Variants in PHLDB2 observed in about 807,000 individuals in gnomAD.
PHLDB2 encodes the protein pleckstrin homology-like domain family B member 2.
A neutral mutation model predicts 123.6 loss-of-function variants in PHLDB2; 71 were observed. The observed-to-expected ratio is 0.57, with a 90% CI of 0.47 to 0.70. The LOEUF (loss-of-function observed/expected upper bound fraction) is 0.70. Among genes scored for constraint, PHLDB2 ranks in the 30% least tolerant of loss-of-function variants. The probability of loss-of-function intolerance (pLI) is 0.00; values close to 1 mark genes in which losing one functional copy is unlikely to be tolerated. For synonymous variants in PHLDB2, 547 were observed against 541.6 expected, an observed-to-expected ratio of 1.01 and a Z score of -0.14; for missense variants, 1,446 against 1,519.5, an observed-to-expected ratio of 0.95 and a Z score of 0.80.
chr3:111,732,785 C>T, intron 1 of PHLDB2: 1 of 1,223,502 alleles, frequency 8.2e-7, no homozygotes, highest in Non-Finnish European at 1.1e-6. Context: ...CAGAGTGTTT[C>T]TGAGGAGGGT....
chr3:111,857,358 G>C (rs900862705), upstream of PHLDB2, among the ~76,000 whole-genome samples: 3 of 151,712 alleles, frequency 2.0e-5, no homozygotes, highest in African/African-American at 7.3e-5. Flanking sequence ...GGCTGAAGTG[G>C]GAGGATCACT....
chr3:111,761,626 G>A (rs78165073), intron 1 of PHLDB2, among the ~76,000 whole-genome samples: 1,599 of 152,266 alleles, frequency 0.011, 27 homozygotes, highest in African/African-American at 0.036. Context: ...TCAAACTTCA[G>A]CTGCATTCAG....
rs549238952 is a variant in PHLDB2, at chr3:111,793,589, C to T, written c.-48-52232C>T. Among the ~76,000 whole-genome samples, 5 of 152,070 alleles carry T rather than the reference C, an allele frequency of 3.3e-5. No homozygotes were observed. In the South Asian group the frequency reaches 1.0e-3, roughly 32 times the overall value. ...TTTTTCCAAGCAGAAAGAGTCCCTC[C>T]CCATAGCCGCCACAGCTGGGAATGT... On this transcript the variant is annotated intron_variant, in intron 1 of 17. Transcript: ENST00000393923.
At chr3:111,771,497 G>A (rs942871566) in intron 1 of PHLDB2, among the ~76,000 whole-genome samples, 4 of 152,038 alleles carry the variant, frequency 2.6e-5, no homozygotes, top group Middle Eastern at 3.4e-3. Flanking sequence ...GTGCCACCAC[G>A]CCCAGCTAAT....
chr3:111,927,169 G>T (rs190760274), intron 5 of PHLDB2, among the ~76,000 whole-genome samples: 2 of 152,092 alleles, frequency 1.3e-5, no homozygotes, highest in African/African-American at 4.8e-5. Flanking sequence ...AAAGCCACAG[G>T]GTTTAGGAAC....
intron 1 of PHLDB2, among the ~76,000 whole-genome samples, chr3:111,792,354 A>T (rs993399711): frequency 2.6e-5 from 4 of 152,354 alleles, no homozygotes; most frequent in Admixed American, 2.6e-4. Context: ...ATTAGCTCAG[A>T]TAGGAGGGAG....
At chr3:111,778,279 CA>C (rs2060303401) in intron 1 of PHLDB2, 1 of 151,936 alleles carries the variant, frequency 6.6e-6, no homozygotes, top group Admixed American at 6.6e-5. Flanking sequence ...GAAATGTGGA[CA>C]CAAGCACATG....
intron 1 of PHLDB2, among the ~76,000 whole-genome samples, chr3:111,734,273 T>G (rs1941607651): frequency 6.6e-6 from 1 of 152,192 alleles, no homozygotes; most frequent in Non-Finnish European, 1.5e-5. Flanking sequence ...GAAAAGGATC[T>G]TGGGGTGATC....
intron 1 of PHLDB2, among the ~76,000 whole-genome samples, chr3:111,834,770 T>C (rs916527120): frequency 6.6e-6 from 1 of 152,054 alleles, no homozygotes; most frequent in South Asian, 2.1e-4. Context: ...ACCCAGCCAA[T>C]CAAAGACTAT....
At chr3:111,792,551 T>G (rs148260230) in intron 1 of PHLDB2, among the ~76,000 whole-genome samples, 1 of 151,972 alleles carries the variant, frequency 6.6e-6, no homozygotes, top group East Asian at 1.9e-4. Flanking sequence ...TACAAAAAAT[T>G]TTAAAATTCG....
At position 111,913,441 on chromosome 3, in the gene PHLDB2, G is replaced by A. The variant is rs373373892; in HGVS notation, c.1458G>A (p.Leu486=). 70 of 1,614,056 alleles carry A rather than the reference G, an allele frequency of 4.3e-5. No homozygotes were observed. Among genetic ancestry groups the A allele is most frequent in the Non-Finnish European group, 5.5e-5 (65 of 1,180,034 alleles). The change falls in exon 3 of 18, where the codon CTG becomes CTA. Residue 486 remains leucine, a synonymous_variant. Coordinates refer to ENST00000431670, the MANE Select transcript of PHLDB2 (RefSeq NM_001134438.2). ...AAATCAACAAGGAGCTTGAGAAGCTGCAGCTCTCTGATGAGGAGTCTGTGT... is the reference window on the plus strand; with the variant it reads ...AAATCAACAAGGAGCTTGAGAAGCTACAGCTCTCTGATGAGGAGTCTGTGT... ...VQKINKELEK[L]QLSDEESVFE... is the part of the protein sequence containing the mutation.
At chr3:111,815,221 A>C (rs2062020881) in intron 1 of PHLDB2, among the ~76,000 whole-genome samples, 1 of 152,182 alleles carries the variant, frequency 6.6e-6, no homozygotes, top group Non-Finnish European at 1.5e-5. Flanking sequence ...CTTTGTCAGC[A>C]GCATGAAAAT....
chr3:111,962,668 C>T (rs113979986), intron 13 of PHLDB2, among the ~76,000 whole-genome samples: 3 of 152,278 alleles, frequency 2.0e-5, no homozygotes, highest in African/African-American at 7.2e-5. Flanking sequence ...GTGGCGCATG[C>T]CTGTAATCCC....
intron 1 of PHLDB2, among the ~76,000 whole-genome samples, chr3:111,783,164 C>T (rs1214827942): frequency 1.3e-5 from 2 of 152,076 alleles, no homozygotes; most frequent in Non-Finnish European, 2.9e-5. Context: ...TCCATGGCTT[C>T]AGCATCAAGG....
At chr3:111,931,058 A>G (rs2069120468) in intron 5 of PHLDB2, among the ~76,000 whole-genome samples, 1 of 152,230 alleles carries the variant, frequency 6.6e-6, no homozygotes, top group African/African-American at 2.4e-5. Context: ...GATAAAATGT[A>G]GTAAGGATAA....
At chr3:111,921,178 A>T (rs953727724) in intron 5 of PHLDB2, among the ~76,000 whole-genome samples, 1 of 152,232 alleles carries the variant, frequency 6.6e-6, no homozygotes, top group African/African-American at 2.4e-5. Context: ...CCTCTGGGAA[A>T]TATACATTAC....
At chr3:111,880,700 G>A (rs938740181) in intron 1 of PHLDB2, among the ~76,000 whole-genome samples, 12 of 151,156 alleles carry the variant, frequency 7.9e-5, no homozygotes, top group African/African-American at 9.7e-5. Flanking sequence ...TTTCAAGATC[G>A]GGCAAATTTT....
chr3:111,885,294 A>C lies in PHLDB2; in HGVS notation c.1217A>C (p.Gln406Pro). ...ESLRQASGTP[Q>P]PALRERKSSI... ...CTCAGACAGGCCTCAGGAACCCCCC[A>C]GCCTGCCCTTCGGGAACGGAAAAGC... Residue 406 changes from glutamine (Q) to proline (P), a missense_variant, in exon 2 of 18, where the codon CAG becomes CCG. By Grantham distance (76) the Gln-to-Pro change is moderately conservative. This residue lies in a region of PHLDB2 where 832 missense variants were observed against 831.9 expected (regional missense o/e 1.00). Coordinates refer to ENST00000431670, the MANE Select transcript of PHLDB2 (RefSeq NM_001134438.2). The C allele has an allele frequency of 6.2e-7, 1 of 1,614,190 alleles. No homozygotes were observed. The highest frequency in any genetic ancestry group is 8.5e-7 in the Non-Finnish European group (1 of 1,180,028).
chr3:111,739,573 TAAA>T (rs1231413646), intron 1 of PHLDB2, among the ~76,000 whole-genome samples: 2 of 11,714 alleles, frequency 1.7e-4, no homozygotes, highest in Non-Finnish European at 2.5e-4. Flanking sequence ...CTTCTGAAGT[TAAA>T]AAAAAAAAAA....
Sources: gnomAD v4.1 joint callset for allele counts (sites outside exome capture counted in the v4.1 genomes callset) on GRCh38, gnomAD v4.1.1 for gene constraint, gnomAD v4.1.1 regional missense constraint, MANE v1.5 for transcripts, NCBI Gene and HGNC (gene_info 2026-07-23, HGNC 2026-07-21) for gene names.